The following GRID1 variants were observed in gnomAD, a reference collection of about 807,000 sequenced individuals.
GRID1 encodes glutamate ionotropic receptor delta type subunit 1.
A neutral mutation model predicts 98.0 loss-of-function variants in GRID1; 28 were observed. That is an observed-to-expected ratio of 0.29 (90% confidence interval 0.21 to 0.39). The LOEUF is 0.39. Ranked by LOEUF, GRID1 falls within the 10% of genes least tolerant of loss-of-function variation. The pLI is 1.00. For synonymous variants in GRID1, 553 were observed against 538.5 expected (o/e 1.03, Z -0.37); for missense variants, 1,111 against 1,340.5 (o/e 0.83, Z 2.67).
intron 4 of GRID1, among the ~76,000 whole-genome samples, chr10:86,114,022 A>C (rs1338371065): frequency 6.6e-6 from 1 of 151,840 alleles, no homozygotes; most frequent in Non-Finnish European, 1.5e-5. Context: ...TGGAGAGATG[A>C]GCATCCTTCT....
chr10:85,862,742 A>G (rs1337331703), intron 6 of GRID1, among the ~76,000 whole-genome samples: 1 of 152,246 alleles, frequency 6.6e-6, no homozygotes, highest in Non-Finnish European at 1.5e-5. Context: ...TTTTTTAAAA[A>G]GTTATTACCA....
At chr10:85,985,963 A>G (rs1372648097) in intron 4 of GRID1, among the ~76,000 whole-genome samples, 8 of 152,240 alleles carry the variant, frequency 5.3e-5, no homozygotes, top group Non-Finnish European at 1.0e-4. Flanking sequence ...TCACTCCTCC[A>G]AAGAAGAAAA....
intron 13 of GRID1, among the ~76,000 whole-genome samples, chr10:85,623,280 C>A (rs1172965092): frequency 6.6e-6 from 1 of 152,166 alleles, no homozygotes; most frequent in Non-Finnish European, 1.5e-5. Flanking sequence ...CTTCTTAGGT[C>A]TGACCATACT....
At chr10:85,714,099 T>C (rs1377687871) in intron 12 of GRID1, among the ~76,000 whole-genome samples, 7 of 152,082 alleles carry the variant, frequency 4.6e-5, no homozygotes, top group Non-Finnish European at 1.0e-4. Flanking sequence ...ATAATATTCT[T>C]TGCAGCAACA....
At chr10:86,109,575 C>T (rs991714961) in intron 4 of GRID1, among the ~76,000 whole-genome samples, 1 of 152,210 alleles carries the variant, frequency 6.6e-6, no homozygotes, top group African/African-American at 2.4e-5. Flanking sequence ...GCAGGCACAC[C>T]CCAGCTATAA....
chr10:85,847,359 C>G (rs897092163), intron 8 of GRID1, among the ~76,000 whole-genome samples: 1 of 152,150 alleles, frequency 6.6e-6, no homozygotes, highest in African/African-American at 2.4e-5. Context: ...ATTGGCCAAC[C>G]CTGAAGCCTT....
At chr10:85,936,470 C>T (rs1841926951) in intron 4 of GRID1, among the ~76,000 whole-genome samples, 2 of 151,686 alleles carry the variant, frequency 1.3e-5, no homozygotes, top group African/African-American at 2.4e-5. Context: ...TTCTATGTCC[C>T]TTATCTAGAA....
intron 8 of GRID1, among the ~76,000 whole-genome samples, chr10:85,788,060 A>G (rs972146016): frequency 7.0e-6 from 1 of 143,308 alleles, no homozygotes; most frequent in African/African-American, 2.8e-5. Context: ...TTCACAAAAA[A>G]AAAAAGAAAA....
intron 3 of GRID1, among the ~76,000 whole-genome samples, chr10:86,153,006 C>A (rs981106534): frequency 2.0e-5 from 3 of 152,196 alleles, no homozygotes; most frequent in Non-Finnish European, 4.4e-5. Flanking sequence ...GCAACCAGAG[C>A]CAGAAGTGAA....
At chr10:86,349,602 G>T (rs928821648) in intron 2 of GRID1, among the ~76,000 whole-genome samples, 1 of 152,242 alleles carries the variant, frequency 6.6e-6, no homozygotes, top group African/African-American at 2.4e-5. Flanking sequence ...TTGCCAGAAA[G>T]ATCTTCAGTG....
intron 2 of GRID1, among the ~76,000 whole-genome samples, chr10:86,300,518 G>C (rs867878080): frequency 0.018 from 443 of 25,254 alleles, 27 homozygotes; most frequent in South Asian, 0.093. Flanking sequence ...GGGGAAGGGA[G>C]GGGAAGGGAG....
intron 15 of GRID1, among the ~76,000 whole-genome samples, chr10:85,607,661 G>A (rs74148717): frequency 0.014 from 2,203 of 152,208 alleles, 58 homozygotes; most frequent in African/African-American, 0.051. Context: ...ACTTCACATC[G>A]TGGGTGGTAG....
At chr10:86,187,455 G>A (rs1042812966) in intron 3 of GRID1, among the ~76,000 whole-genome samples, 2 of 152,214 alleles carry the variant, frequency 1.3e-5, no homozygotes, top group African/African-American at 4.8e-5. Context: ...CAGAGTCTGA[G>A]TGCTAAATCA....
intron 4 of GRID1, among the ~76,000 whole-genome samples, chr10:86,085,851 C>A (rs1399604765): frequency 6.6e-6 from 1 of 152,126 alleles, no homozygotes; most frequent in African/African-American, 2.4e-5. Flanking sequence ...ACTCACCGAG[C>A]CCCAAGAGCA....
At chr10:85,967,651 T>C (rs1189041841) in intron 4 of GRID1, among the ~76,000 whole-genome samples, 2 of 152,160 alleles carry the variant, frequency 1.3e-5, no homozygotes, top group East Asian at 3.8e-4. Context: ...AGACAGAAAT[T>C]ATATTTTTAA....
Position 85,684,045 on chromosome 10 carries a change from C to T in GRID1, c.1998-36648G>A, listed in dbSNP as rs545203382. 3.1e-4 allele frequency among the ~76,000 whole-genome samples: 47 copies of T among 152,276 alleles called. No individual in the cohort carries two copies. In the South Asian group the frequency reaches 3.1e-3, roughly 10 times the overall value. The stretch of plus-strand genomic sequence containing the variant: ...GGCCATAAAGTGTTATTTCCCTTTA[C>T]GTGGAAACTTCAGAAACCATCCATT... On this transcript the variant is annotated intron_variant, in intron 12 of 15. Coordinates refer to ENST00000327946, the MANE Select transcript of GRID1 (RefSeq NM_017551.3).
intron 8 of GRID1, among the ~76,000 whole-genome samples, chr10:85,791,663 T>C (rs2132741598): frequency 6.6e-6 from 1 of 151,972 alleles, no homozygotes; most frequent in South Asian, 2.1e-4. Flanking sequence ...ATAAAGAAAA[T>C]GTAACAATCG....
intron 4 of GRID1, among the ~76,000 whole-genome samples, chr10:85,996,261 C>T (rs571973502): frequency 1.0e-3 from 155 of 152,226 alleles, no homozygotes; most frequent in Non-Finnish European, 1.6e-3. Flanking sequence ...CCAAAGATGA[C>T]GTGGATGTAA....
chr10:86,314,801 A>G (rs1337098870), intron 2 of GRID1, among the ~76,000 whole-genome samples: 1 of 152,182 alleles, frequency 6.6e-6, no homozygotes, highest in Non-Finnish European at 1.5e-5. Context: ...TGAGGCTGCC[A>G]TTTGGAGCTC....
Sources: allele counts gnomAD v4.1 joint callset (sites outside exome capture counted in the v4.1 genomes callset), GRCh38; gene constraint gnomAD v4.1.1; transcripts MANE v1.5; gene names NCBI Gene and HGNC (gene_info 2026-07-23, HGNC 2026-07-21).